The following GUCY1A1 variants were observed in gnomAD, a reference collection of about 807,000 sequenced individuals.
GUCY1A1 encodes the protein guanylate cyclase 1 soluble subunit alpha 1.
Under a neutral mutation model 64.5 loss-of-function variants are expected in GUCY1A1, and 48 were observed. That is an observed-to-expected ratio of 0.74 (90% CI 0.59 to 0.95). GUCY1A1 has a LOEUF of 0.95. Among genes scored for constraint, GUCY1A1 ranks in the 40% least tolerant of loss-of-function variants. The pLI is 0.00. For synonymous variants in GUCY1A1, 308 were observed against 303.4 expected (o/e 1.02, Z -0.16); for missense variants, 804 against 825.3 (o/e 0.97, Z 0.32).
In GUCY1A1 at chr4:155,688,789, G is replaced by GA. The variant is rs200637643; in HGVS notation, c.-112-7959dup. 4.7e-3 allele frequency among the ~76,000 whole-genome samples: 691 copies of GA among 145,658 alleles called. 4 individuals are homozygous for GA. The highest frequency in any genetic ancestry group is 0.018 in the African/African-American group (636 of 36,336). ...TACGAGCACTAACAAAAGCAAAAAA[G>GA]AAAAAAAACAAAACAAAACAAAATC... On this transcript the variant is annotated intron_variant, in intron 2 of 9. Transcript: ENST00000506455.
intron 8 of GUCY1A1, among the ~76,000 whole-genome samples, chr4:155,718,017 G>C (rs951717658): frequency 6.6e-6 from 1 of 152,138 alleles, no homozygotes; most frequent in Non-Finnish European, 1.5e-5. Flanking sequence ...TATTTTCCAA[G>C]GCACGTGACA....
intron 4 of GUCY1A1, among the ~76,000 whole-genome samples, chr4:155,705,383 T>G (rs1731614277): frequency 6.6e-6 from 1 of 151,952 alleles, no homozygotes; most frequent in African/African-American, 2.4e-5. Context: ...ACCCCGTCTC[T>G]ACTAAAAACA....
At position 155,676,669 on chromosome 4, in the gene GUCY1A1, T is replaced by A. The variant is rs144028971; in HGVS notation, c.-113+9250T>A. The stretch of plus-strand genomic sequence containing the variant: ...TGGTGTAGGAGTCATGCAGTGTTTA[T>A]CACTTAAGTGGGTAATCTGACAGCT... On this transcript the variant is annotated intron_variant, in intron 2 of 9. Coordinates refer to ENST00000506455, the MANE Select transcript of GUCY1A1 (RefSeq NM_001130682.3). 4.1e-3 allele frequency among the ~76,000 whole-genome samples: 628 copies of A among 151,648 alleles called. 31 individuals carry two copies. Among genetic ancestry groups the A allele is most frequent in the African/African-American group, 0.014 (584 of 40,896 alleles).
At chr4:155,685,603 G>GTTTTTTTTTTTTTTTTTT in intron 2 of GUCY1A1, among the ~76,000 whole-genome samples, 1 of 108,856 alleles carries the variant, frequency 9.2e-6, no homozygotes. Flanking sequence ...TTCTCCTTGT[G>GTTTTTTTTTTTTTTTTTT]TTTTTTTTTT....
Position 155,736,978 on chromosome 4 carries a change from T to C in GUCY1A1, c.*6747T>C, listed in dbSNP as rs1736114157. 6.6e-6 allele frequency: 1 copy of C among 152,004 alleles called. No homozygotes were observed. The highest frequency in any genetic ancestry group is 2.4e-5 in the African/African-American group (1 of 41,426). The allele number at this position is 152,004 out of a possible 1,614,324, so 9.4% of individuals were successfully genotyped here. A position where few individuals can be genotyped will look rare whatever the true frequency, so the allele number is the denominator to read the frequency against. On this transcript the variant is annotated 3_prime_UTR_variant, in exon 10 of 10. Transcript: ENST00000506455. ...CAAAGTCTATGAGAATGTTACCTCC[T>C]GTCTCAGAAGCTTGTTAGTTATTGT...
intron 2 of GUCY1A1, among the ~76,000 whole-genome samples, chr4:155,669,635 T>G (rs1250040658): frequency 6.6e-6 from 1 of 152,108 alleles, no homozygotes; most frequent in Non-Finnish European, 1.5e-5. Context: ...TACAAACAAG[T>G]GATAATATTA....
intron 9 of GUCY1A1, among the ~76,000 whole-genome samples, chr4:155,725,771 A>G (rs991991799): frequency 2.0e-5 from 3 of 152,086 alleles, no homozygotes; most frequent in Non-Finnish European, 4.4e-5. Context: ...ACATGTTGAC[A>G]TATATTTCTG....
rs77252720 is a variant in GUCY1A1, at chr4:155,700,777, C to A, written c.256-3155C>A. Among the ~76,000 whole-genome samples, 1,122 of 152,214 alleles carry A rather than the reference C, an allele frequency of 7.4e-3. 16 individuals carry two copies. Among genetic ancestry groups the A allele is most frequent in the Non-Finnish European group, 0.011 (736 of 68,000 alleles). Reference sequence around the variant, plus strand: ...GTTCCCCCAAAATTCAAAATAAAGGCTTTCCCAAATAGTAGGGTGTTTTAG... The same window carrying A: ...GTTCCCCCAAAATTCAAAATAAAGGATTTCCCAAATAGTAGGGTGTTTTAG... On this transcript the variant is annotated intron_variant, in intron 3 of 9. Coordinates refer to ENST00000506455, the MANE Select transcript of GUCY1A1 (RefSeq NM_001130682.3).
At chr4:155,678,900 T>G (rs796151841) in intron 2 of GUCY1A1, among the ~76,000 whole-genome samples, 4 of 152,354 alleles carry the variant, frequency 2.6e-5, no homozygotes, top group African/African-American at 9.6e-5. Context: ...GTTTAATAAC[T>G]AATAATATTG....
At chr4:155,705,547 A>G (rs1308695616) in intron 4 of GUCY1A1, among the ~76,000 whole-genome samples, 1 of 151,904 alleles carries the variant, frequency 6.6e-6, no homozygotes, top group African/African-American at 2.4e-5. Flanking sequence ...CTCAAAAAAA[A>G]AAAAAAAAAA....
chr4:155,728,603 G>A (rs1047203112), intron 9 of GUCY1A1, among the ~76,000 whole-genome samples: 6 of 151,838 alleles, frequency 4.0e-5, no homozygotes, highest in Non-Finnish European at 2.9e-5. Context: ...ACTTTACCAA[G>A]CATTAATTAG....
At chr4:155,693,814 A>G (rs978042644) in intron 2 of GUCY1A1, among the ~76,000 whole-genome samples, 1 of 152,314 alleles carries the variant, frequency 6.6e-6, no homozygotes, top group Non-Finnish European at 1.5e-5. Flanking sequence ...TGACTGGTCA[A>G]TTGTATTCTA....
chr4:155,710,647 A>AT lies in GUCY1A1; in HGVS notation c.488dup (p.Leu163PhefsTer24), dbSNP rs587777928. The stretch of plus-strand genomic sequence containing the variant: ...GGGGTGGTTGGAGGCACCCTTAAAG[A>AT]TTTTTTAAACAGCTTCAGTACCCTT... On this transcript the variant is annotated frameshift_variant, in exon 6 of 10. Transcript: ENST00000506455. LOFTEE classifies it high-confidence loss of function. 2.5e-6 allele frequency: 4 copies of AT among 1,613,830 alleles called. No individual in the cohort carries two copies. The highest frequency in any genetic ancestry group is 2.5e-6 in the Non-Finnish European group (3 of 1,179,870).
intron 1 of GUCY1A1, 190 bp from the exon 2 acceptor site, chr4:155,667,156 A>G (rs1225184532): frequency 2.6e-5 from 4 of 151,890 alleles, no homozygotes; most frequent in East Asian, 1.9e-4. Context: ...CGCGGGCGAT[A>G]CAGTTTCCGA....
chr4:155,679,135 T>C (rs556986261), intron 2 of GUCY1A1, among the ~76,000 whole-genome samples: 106 of 152,268 alleles, frequency 7.0e-4, no homozygotes, highest in Admixed American at 2.6e-3. Context: ...CCAAAGTATT[T>C]TTTTTATTTT....
Position 155,696,796 on chromosome 4 carries a change from T to C in GUCY1A1, c.-72T>C. On this transcript the variant is annotated 5_prime_UTR_variant, in exon 3 of 10. Coordinates refer to ENST00000506455, the MANE Select transcript of GUCY1A1 (RefSeq NM_001130682.3). ...GTGTCCTTGAATTGATAGTGGCTTC[T>C]GTTTGTCAGTCTCATATAAGAACTA... The C allele has an allele frequency of 7.0e-7, 1 of 1,419,652 alleles. No individual in the cohort carries two copies. Among genetic ancestry groups the C allele is most frequent in the African/African-American group, 1.4e-5 (1 of 70,798 alleles). The allele number at this position is 1,419,652 out of a possible 1,614,324, so 87.9% of individuals were successfully genotyped here. A position where few individuals can be genotyped will look rare whatever the true frequency, so the allele number is the denominator to read the frequency against.
intron 5 of GUCY1A1, 96 bp downstream of exon 5, chr4:155,708,390 C>A: frequency 1.4e-6 from 1 of 697,598 alleles, no homozygotes; most frequent in South Asian, 1.7e-5. Flanking sequence ...TGGTGACTCC[C>A]AGTATGAAGT....
intron 3 of GUCY1A1, among the ~76,000 whole-genome samples, chr4:155,703,378 A>G (rs1297965402): frequency 6.6e-6 from 1 of 152,254 alleles, no homozygotes; most frequent in Non-Finnish European, 1.5e-5. Flanking sequence ...CAAAAAAGGA[A>G]GAGACAGAGA....
chr4:155,717,330 G>T (rs767847396), intron 8 of GUCY1A1, 28 bp downstream of exon 8: 1 of 1,489,560 alleles, frequency 6.7e-7, no homozygotes, highest in Admixed American at 2.0e-5. Flanking sequence ...TTGTCCAAAA[G>T]ATGTCACAAG....
Sources: allele counts gnomAD v4.1 joint callset (sites outside exome capture counted in the v4.1 genomes callset), GRCh38; gene constraint gnomAD v4.1.1; transcripts MANE v1.5; gene names NCBI Gene and HGNC (gene_info 2026-07-23, HGNC 2026-07-21).